AIFM1: variants seen among roughly 807,000 people sequenced by gnomAD.
AIFM1 encodes apoptosis inducing factor mitochondria associated 1.
Under a neutral mutation model 51.7 loss-of-function variants are expected in AIFM1, and 3 were observed. The observed-to-expected ratio is 0.06, with a 90% CI of 0.03 to 0.15. The LOEUF (loss-of-function observed/expected upper bound fraction) is 0.15, where lower values mean the gene tolerates loss of function less well. Ranked by LOEUF, AIFM1 falls within the 10% of genes least tolerant of loss-of-function variation. The pLI is 1.00. For synonymous variants in AIFM1, 178 were observed against 179.4 expected, an observed-to-expected ratio of 0.99 and a Z score of 0.06; for missense variants, 330 against 476.8, an observed-to-expected ratio of 0.69 and a Z score of 2.87.
chrX:130,138,937 C>G (rs929347261), intron 8 of AIFM1, among the ~76,000 whole-genome samples: 2 of 111,490 alleles, frequency 1.8e-5, no homozygotes, highest in Admixed American at 1.9e-4. Flanking sequence ...AGGAGGACAT[C>G]TGGCAATATC....
intron 1 of AIFM1, among the ~76,000 whole-genome samples, chrX:130,164,165 C>A: frequency 1.0e-5 from 1 of 96,011 alleles, no homozygotes; most frequent in Non-Finnish European, 2.1e-5. Flanking sequence ...GAGACTCCGT[C>A]TCAAAAAAAA....
At chrX:130,143,403 C>T (rs1382606909) in intron 6 of AIFM1, among the ~76,000 whole-genome samples, 4 of 111,971 alleles carry the variant, frequency 3.6e-5, no homozygotes, top group African/African-American at 1.3e-4. Flanking sequence ...GGTACACTGC[C>T]ATCCACTCAG....
chrX:130,161,103 G>A (rs566449717), intron 1 of AIFM1, among the ~76,000 whole-genome samples: 3 of 110,991 alleles, frequency 2.7e-5, no homozygotes, highest in African/African-American at 6.5e-5. Flanking sequence ...CCCAAAAGGC[G>A]TTTTCCAAAA....
chrX:130,155,834 G>C (rs912269717), intron 2 of AIFM1, among the ~76,000 whole-genome samples: 1 of 111,609 alleles, frequency 9.0e-6, no homozygotes, highest in Non-Finnish European at 1.9e-5. Flanking sequence ...ATTCCTCTGT[G>C]ACCTGCTAAG....
chrX:130,130,274 G>T, intron 14 of AIFM1, 108 bp from the exon 15 acceptor site: 1 of 894,472 alleles, frequency 1.1e-6, no homozygotes, highest in Non-Finnish European at 1.6e-6. Flanking sequence ...CCTGCTTCAA[G>T]CTACTTCTAG....
chrX:130,163,883 C>A (rs191520542), intron 1 of AIFM1, among the ~76,000 whole-genome samples: 1 of 109,573 alleles, frequency 9.1e-6, no homozygotes, highest in Admixed American at 9.8e-5. Flanking sequence ...TCGCCGGGCG[C>A]GGTGGCTCAC....
chrX:130,159,915 G>A (rs920357188), intron 1 of AIFM1, among the ~76,000 whole-genome samples: 3 of 109,294 alleles, frequency 2.7e-5, no homozygotes, highest in African/African-American at 1.0e-4. Flanking sequence ...ATGCTTCCTG[G>A]GCTCAAGCCA....
intron 2 of AIFM1, among the ~76,000 whole-genome samples, chrX:130,152,350 G>GAT (rs1005235016): frequency 6.4e-5 from 7 of 110,105 alleles, no homozygotes; most frequent in South Asian, 7.6e-4. Flanking sequence ...CGATCTGTCT[G>GAT]ATATATATAT....
At position 130,129,437 on chromosome X, in the gene AIFM1, A is replaced by C. The variant is rs1008790737; in HGVS notation, c.*120T>G. ...TACCTACATAGTTGAAAATATTCAC[A>C]AAGGACTTGATCATTCACACTCATA... On this transcript the variant is annotated 3_prime_UTR_variant, in exon 16 of 16. Coordinates refer to ENST00000287295, the MANE Select transcript of AIFM1 (RefSeq NM_004208.4). 1.7e-6 allele frequency: 1 copy of C among 586,339 alleles called. No individual in the cohort carries two copies. The highest frequency in any genetic ancestry group is 3.0e-6 in the Non-Finnish European group (1 of 331,647). The allele number at this position is 586,339 out of a possible 1,213,427, so 48.3% of individuals were successfully genotyped here.
At chrX:130,153,387 C>CT (rs1462488220) in intron 2 of AIFM1, among the ~76,000 whole-genome samples, 6 of 103,451 alleles carry the variant, frequency 5.8e-5, no homozygotes, top group East Asian at 3.0e-4. Context: ...CGGCAGTTTA[C>CT]TCCCTTTTTT....
At chrX:130,133,761 G>A (rs893015202) in intron 12 of AIFM1, among the ~76,000 whole-genome samples, 16 of 109,444 alleles carry the variant, frequency 1.5e-4, no homozygotes, top group Admixed American at 6.9e-4. Context: ...CCAAGTAGCT[G>A]GGACTACAGG....
intron 12 of AIFM1, among the ~76,000 whole-genome samples, chrX:130,134,710 T>C (rs890845984): frequency 9.0e-6 from 1 of 110,963 alleles, no homozygotes; most frequent in Non-Finnish European, 1.9e-5. Context: ...CTGGACCAGC[T>C]TCATGAAGGA....
intron 3 of AIFM1, 149 bp from the exon 4 acceptor site, chrX:130,148,025 C>A (rs1459825346): frequency 1.8e-5 from 13 of 718,972 alleles, no homozygotes; most frequent in Non-Finnish European, 2.8e-5. Context: ...ACAATCTTCA[C>A]AGCATCCTGA....
intron 2 of AIFM1, chrX:130,155,095 T>C: frequency 1.7e-6 from 2 of 1,173,553 alleles, no homozygotes; most frequent in Non-Finnish European, 2.3e-6. Context: ...TATCAAGTTT[T>C]CATTAGTGCC....
intron 12 of AIFM1, among the ~76,000 whole-genome samples, chrX:130,135,428 C>CTT (rs1556260138): frequency 2.7e-3 from 147 of 54,679 alleles, no homozygotes; most frequent in African/African-American, 7.1e-3. Flanking sequence ...TCCAGTACAT[C>CTT]TTTTTTTTTT....
intron 2 of AIFM1, among the ~76,000 whole-genome samples, chrX:130,153,200 A>T (rs1049719732): frequency 4.4e-5 from 4 of 91,078 alleles, no homozygotes; most frequent in African/African-American, 1.7e-4. Flanking sequence ...AAAAAAAAAA[A>T]TTAGCCGGGC....
At chrX:130,158,349 A>C (rs1218487121) in intron 1 of AIFM1, among the ~76,000 whole-genome samples, 1 of 112,355 alleles carries the variant, frequency 8.9e-6, no homozygotes, top group Non-Finnish European at 1.9e-5. Context: ...CAGGTGACTG[A>C]CTGGCTTTGG....
intron 2 of AIFM1, chrX:130,155,235 C>A (rs891049157): frequency 8.3e-7 from 1 of 1,209,094 alleles, no homozygotes; most frequent in Non-Finnish European, 1.1e-6. Context: ...CCCAGAAGCA[C>A]CTGTAGATGC....
chrX:130,151,374 T>A (rs2030972572), intron 2 of AIFM1, among the ~76,000 whole-genome samples: 1 of 110,889 alleles, frequency 9.0e-6, no homozygotes, highest in African/African-American at 3.3e-5. Flanking sequence ...CTCCTGACCT[T>A]GTGATCCACC....
Sources: allele counts gnomAD v4.1 joint callset (sites outside exome capture counted in the v4.1 genomes callset), GRCh38; gene constraint gnomAD v4.1.1; transcripts MANE v1.5; gene names NCBI Gene and HGNC (gene_info 2026-07-23, HGNC 2026-07-21).